Variants in TXNDC11 observed in about 807,000 individuals in gnomAD.
TXNDC11 encodes the protein thioredoxin domain-containing protein 11.
In TXNDC11, 68 loss-of-function variants were observed where a neutral mutation model predicts 78.0. The observed-to-expected ratio is 0.87, with a 90% CI of 0.72 to 1.07. The LOEUF is 1.07. Among genes scored for constraint, TXNDC11 ranks in the 50% least tolerant of loss-of-function variants. The probability of loss-of-function intolerance (pLI) is 0.00; values close to 1 mark genes in which losing one functional copy is unlikely to be tolerated. For missense variants in TXNDC11, 1,389 were observed against 1,221.8 expected, an observed-to-expected ratio of 1.14 and a Z score of -2.04; for synonymous variants, 571 against 495.2, an observed-to-expected ratio of 1.15 and a Z score of -2.03.
intron 4 of TXNDC11, 120 bp from the exon 5 acceptor site, chr16:11,721,790 T>G (rs1199289945): frequency 4.1e-5 from 23 of 560,564 alleles, no homozygotes; most frequent in Non-Finnish European, 7.0e-5. Flanking sequence ...GCCTTTCATT[T>G]TTTCAAAAAG....
At chr16:11,709,312 G>T (rs561443654) in intron 5 of TXNDC11, among the ~76,000 whole-genome samples, 1 of 151,112 alleles carries the variant, frequency 6.6e-6, no homozygotes, top group Admixed American at 6.6e-5. Flanking sequence ...GAGCGCAATG[G>T]CGTGATCTCA....
chr16:11,714,101 G>A (rs941898909), intron 5 of TXNDC11, among the ~76,000 whole-genome samples: 1 of 151,992 alleles, frequency 6.6e-6, no homozygotes, highest in Non-Finnish European at 1.5e-5. Context: ...GAAAGCAGTG[G>A]CATGATCTCA....
At chr16:11,732,657 C>A (rs1323584249) in intron 3 of TXNDC11, among the ~76,000 whole-genome samples, 2 of 152,086 alleles carry the variant, frequency 1.3e-5, no homozygotes, top group Non-Finnish European at 2.9e-5. Context: ...CATCTAATAT[C>A]CAGAGGAAAA....
intron 1 of TXNDC11, among the ~76,000 whole-genome samples, chr16:11,738,945 T>G (rs1567356492): frequency 6.6e-6 from 1 of 151,994 alleles, no homozygotes; most frequent in Non-Finnish European, 1.5e-5. Context: ...GAGAATCGCT[T>G]GAACACGGGA....
chr16:11,679,860 C>G lies in TXNDC11; in HGVS notation c.2235-23G>C, dbSNP rs779257361. The G allele has an allele frequency of 1.9e-6, 3 of 1,590,940 alleles. No individual in the cohort carries two copies. The highest frequency in any genetic ancestry group is 1.1e-5 in the South Asian group (1 of 88,402). On this transcript the variant is annotated intron_variant, in intron 11 of 11. Coordinates refer to ENST00000283033, the MANE Select transcript of TXNDC11 (RefSeq NM_015914.7). The surrounding 1 kb of genome is among the most constrained non-coding windows in gnomAD (Gnocchi z 4.6). Reference sequence around the variant, plus strand: ...TTTCTGGAGAGAGAGGGAAAGGAAGCAAAGACAGGAGTCACACCAACACAA... The same window carrying G: ...TTTCTGGAGAGAGAGGGAAAGGAAGGAAAGACAGGAGTCACACCAACACAA...
chr16:11,733,565 T>C (rs998188239), intron 3 of TXNDC11, among the ~76,000 whole-genome samples: 1 of 152,146 alleles, frequency 6.6e-6, no homozygotes, highest in Non-Finnish European at 1.5e-5. Context: ...ACTGTGTACT[T>C]GTAGTAATTT....
At chr16:11,736,904 G>A (rs1276442779) in intron 1 of TXNDC11, among the ~76,000 whole-genome samples, 1 of 152,040 alleles carries the variant, frequency 6.6e-6, no homozygotes, top group Non-Finnish European at 1.5e-5. Flanking sequence ...AGAAAAGAAC[G>A]CTGAACAAAC....
At chr16:11,687,780 C>A in intron 10 of TXNDC11, 77 bp downstream of exon 10, 1 of 1,005,058 alleles carries the variant, frequency 9.9e-7, no homozygotes, top group South Asian at 1.4e-5. Flanking sequence ...CAGACCCTCA[C>A]ACACCATATG....
chr16:11,694,880 TG>T (rs1199416043), intron 7 of TXNDC11, among the ~76,000 whole-genome samples: 1 of 152,280 alleles, frequency 6.6e-6, no homozygotes, highest in African/African-American at 2.4e-5. Flanking sequence ...TATCACTTGA[TG>T]TCATTTATTT....
At chr16:11,711,815 C>G (rs991072282) in intron 5 of TXNDC11, among the ~76,000 whole-genome samples, 1 of 152,206 alleles carries the variant, frequency 6.6e-6, no homozygotes, top group African/African-American at 2.4e-5. Flanking sequence ...GTTTCTCCAT[C>G]TGTGAAACTG....
Position 11,736,233 on chromosome 16 carries a change from AC to A in TXNDC11, c.255-1del, listed in dbSNP as rs2052217293. 1 of 1,600,804 alleles carries A rather than the reference AC, an allele frequency of 6.2e-7. No individual in the cohort carries two copies. Among genetic ancestry groups the A allele is most frequent in the Non-Finnish European group, 8.5e-7 (1 of 1,172,494 alleles). ...CTGGTATTATCACATCTTTTGCTCG[AC>A]TAAAAAAGAGCAAACACAGAAAAGA... is the stretch of plus-strand genomic sequence containing the variant. On this transcript the variant is annotated splice_acceptor_variant, in intron 1 of 11. Coordinates refer to ENST00000283033, the MANE Select transcript of TXNDC11 (RefSeq NM_015914.7). LOFTEE classifies it high-confidence loss of function.
chr16:11,720,659 C>T (rs1222883226), intron 5 of TXNDC11, among the ~76,000 whole-genome samples: 1 of 151,976 alleles, frequency 6.6e-6, no homozygotes, highest in Non-Finnish European at 1.5e-5. Context: ...TCAGGTGATC[C>T]ACCCGCCTTG....
chr16:11,684,327 G>T, intron 10 of TXNDC11, 82 bp from the exon 11 acceptor site: 2 of 1,040,816 alleles, frequency 1.9e-6, no homozygotes, highest in Non-Finnish European at 2.9e-6. Flanking sequence ...ATAACTTCAA[G>T]AACCTGGTGC....
chr16:11,739,613 A>C (rs2052333651), intron 1 of TXNDC11, among the ~76,000 whole-genome samples: 1 of 152,204 alleles, frequency 6.6e-6, no homozygotes, highest in African/African-American at 2.4e-5. Flanking sequence ...GGCAGCTTTG[A>C]AATTACAAAA....
In TXNDC11 at chr16:11,693,321, C is replaced by T. The variant is rs186254110; in HGVS notation, c.1108-1239G>A. ...AAAAGAATATTTCGTTACCCACCTC[C>T]CATTCTGGTTTCCTGAGAAAGACAT... is the stretch of plus-strand genomic sequence containing the variant. On this transcript the variant is annotated intron_variant, in intron 7 of 11. Transcript: ENST00000283033. Among the ~76,000 whole-genome samples the T allele has an allele frequency of 2.5e-3, 384 of 152,280 alleles. 1 individual carries two copies. The highest frequency in any genetic ancestry group is 8.8e-3 in the African/African-American group (365 of 41,552).
chr16:11,688,267 C>A, intron 9 of TXNDC11, 36 bp downstream of exon 9: 1 of 1,604,104 alleles, frequency 6.2e-7, no homozygotes, highest in Non-Finnish European at 8.5e-7. Flanking sequence ...TTAAGAGGGA[C>A]AGATGGCTTA....
chr16:11,703,614 G>A, intron 5 of TXNDC11: 1 of 692,966 alleles, frequency 1.4e-6, no homozygotes, highest in Non-Finnish European at 2.6e-6. Context: ...ACACTTCCTA[G>A]TTCTATCTAC....
chr16:11,688,162 A>C lies in TXNDC11; in HGVS notation c.2043+141T>G, dbSNP rs180820422. The C allele has an allele frequency of 2.7e-3, 2,679 of 1,004,462 alleles. 11 individuals carry two copies. The highest frequency in any genetic ancestry group is 3.5e-3 in the Non-Finnish European group (2,374 of 673,782). The allele number at this position is 1,004,462 out of a possible 1,614,324, so 62.2% of individuals were successfully genotyped here. On this transcript the variant is annotated intron_variant, in intron 9 of 11. Transcript: ENST00000283033. Reference sequence around the variant, plus strand: ...TTCTGAAATTTAAAAACCACATGTAATTCATTCACGGTCCATAATTGGGCC... The same window carrying C: ...TTCTGAAATTTAAAAACCACATGTACTTCATTCACGGTCCATAATTGGGCC...
At chr16:11,694,904 T>C (rs556333960) in intron 7 of TXNDC11, among the ~76,000 whole-genome samples, 1 of 152,406 alleles carries the variant, frequency 6.6e-6, no homozygotes, top group South Asian at 2.1e-4. Context: ...TGTGAATAAT[T>C]AAGGAAATCT....
Sources: allele counts gnomAD v4.1 joint callset (sites outside exome capture counted in the v4.1 genomes callset), GRCh38; gene constraint gnomAD v4.1.1; non-coding constraint Gnocchi (gnomAD v3.1); transcripts MANE v1.5; gene names NCBI Gene and HGNC (gene_info 2026-07-23, HGNC 2026-07-21).